The following TMEM232 variants were observed in gnomAD, a reference collection of about 807,000 sequenced individuals.
TMEM232 encodes the protein transmembrane protein 232.
In TMEM232, 80 loss-of-function variants were observed where a neutral mutation model predicts 78.8. The ratio of observed to expected loss-of-function variants is 1.01; its 90% confidence interval spans 0.85 to 1.22. The LOEUF is 1.22. TMEM232 is among the 50% of genes most tolerant of loss of function. The probability of loss-of-function intolerance (pLI) is 0.00; values close to 1 mark genes in which losing one functional copy is unlikely to be tolerated. For synonymous variants in TMEM232, 297 were observed against 254.3 expected, an observed-to-expected ratio of 1.17 and a Z score of -1.60; for missense variants, 881 against 742.2, an observed-to-expected ratio of 1.19 and a Z score of -2.17.
intron 12 of TMEM232, among the ~76,000 whole-genome samples, chr5:110,508,330 A>T (rs953690172): frequency 6.6e-6 from 1 of 152,072 alleles, no homozygotes; most frequent in African/African-American, 2.4e-5. Context: ...GATAGAAAGC[A>T]TGATTAGTGT....
At chr5:110,559,528 A>G (rs538627135) in intron 11 of TMEM232, among the ~76,000 whole-genome samples, 2 of 152,298 alleles carry the variant, frequency 1.3e-5, no homozygotes, top group East Asian at 1.9e-4. Flanking sequence ...CTAGCAGGCA[A>G]TTTATACCAA....
At position 110,688,269 on chromosome 5, in the gene TMEM232, C is replaced by T. The variant is rs557318399; in HGVS notation, c.-12-20905G>A. On this transcript the variant is annotated intron_variant, in intron 1 of 13. Coordinates refer to ENST00000455884, the MANE Select transcript of TMEM232 (RefSeq NM_001039763.4). ...TAGTTGGATAGATGAAGATTTTCTT[C>T]CATTCATGCCTGAACTTCAAGGCAG... Among the ~76,000 whole-genome samples, 5 of 152,238 alleles carry T rather than the reference C, an allele frequency of 3.3e-5. No individual in the cohort carries two copies. The South Asian group carries it at 1.0e-3, about 32-fold the overall frequency.
chr5:110,437,977 G>A (rs936296202), intron 12 of TMEM232, among the ~76,000 whole-genome samples: 1 of 152,030 alleles, frequency 6.6e-6, no homozygotes, highest in African/African-American at 2.4e-5. Flanking sequence ...TAGTCCTGAA[G>A]GTTTTCAGTG....
intron 12 of TMEM232, among the ~76,000 whole-genome samples, 176 bp downstream of exon 12, chr5:110,528,412 G>A (rs749342810): frequency 6.6e-5 from 10 of 151,808 alleles, no homozygotes; most frequent in Non-Finnish European, 1.3e-4. Context: ...TGAAAAAAGA[G>A]TTTCTGAGAA....
At chr5:110,513,577 A>C (rs1016299917) in intron 12 of TMEM232, among the ~76,000 whole-genome samples, 4 of 152,114 alleles carry the variant, frequency 2.6e-5, no homozygotes, top group Non-Finnish European at 1.5e-5. Flanking sequence ...CCAACAGACA[A>C]GTATACGAAA....
At chr5:110,565,367 A>T (rs1223455224) in intron 11 of TMEM232, among the ~76,000 whole-genome samples, 1 of 151,956 alleles carries the variant, frequency 6.6e-6, no homozygotes, top group Non-Finnish European at 1.5e-5. Flanking sequence ...AACTGAAGTA[A>T]AAATATGCCC....
At chr5:110,515,381 C>A (rs933949069) in intron 12 of TMEM232, among the ~76,000 whole-genome samples, 8 of 152,272 alleles carry the variant, frequency 5.3e-5, no homozygotes, top group African/African-American at 1.7e-4. Flanking sequence ...CCTCTTAAGG[C>A]CTCCAGGTTC....
chr5:110,527,825 G>GA (rs553822040), intron 12 of TMEM232, among the ~76,000 whole-genome samples: 7 of 151,882 alleles, frequency 4.6e-5, no homozygotes, highest in Non-Finnish European at 8.8e-5. Context: ...AAAATTACTA[G>GA]AAAAAATATA....
chr5:110,559,745 A>C (rs1306386959), intron 11 of TMEM232, among the ~76,000 whole-genome samples: 2 of 152,200 alleles, frequency 1.3e-5, no homozygotes, highest in African/African-American at 4.8e-5. Context: ...TTGTGACTTA[A>C]AGAACAGAAG....
At chr5:110,510,421 CT>C (rs1190704308) in intron 12 of TMEM232, among the ~76,000 whole-genome samples, 1 of 152,206 alleles carries the variant, frequency 6.6e-6, no homozygotes, top group Non-Finnish European at 1.5e-5. Flanking sequence ...TCCTGTCACC[CT>C]TTCATATGTA....
At chr5:110,621,025 G>T (rs990780451) in intron 7 of TMEM232, among the ~76,000 whole-genome samples, 1 of 151,158 alleles carries the variant, frequency 6.6e-6, no homozygotes, top group African/African-American at 2.4e-5. Flanking sequence ...ACCACACCTC[G>T]GTAATTTTTA....
chr5:110,424,781 G>T, intron 13 of TMEM232, 42 bp downstream of exon 13: 1 of 1,426,208 alleles, frequency 7.0e-7, no homozygotes, highest in South Asian at 1.3e-5. Flanking sequence ...TGCTTTTAAG[G>T]AACAAAGCTT....
intron 12 of TMEM232, among the ~76,000 whole-genome samples, chr5:110,508,836 T>TTA (rs917478908): frequency 3.0e-4 from 42 of 141,738 alleles, no homozygotes; most frequent in South Asian, 8.6e-4. Context: ...CCACTGCTAA[T>TTA]TATATATATA....
In TMEM232 at chr5:110,500,924, G is replaced by A. The variant is rs184079728; in HGVS notation, c.1703+27664C>T. On this transcript the variant is annotated intron_variant, in intron 12 of 13. Transcript: ENST00000455884. The stretch of plus-strand genomic sequence containing the variant: ...GATATATAAATAGTTCTTCCACTAT[G>A]CAAAAAGCTTTGACCACCTTTCTAT... Among the ~76,000 whole-genome samples, 293 of 152,236 alleles carry A rather than the reference G, an allele frequency of 1.9e-3. 1 individual carries two copies. The highest frequency in any genetic ancestry group is 6.5e-3 in the African/African-American group (268 of 41,540).
chr5:110,533,505 C>A (rs527293290), intron 11 of TMEM232, among the ~76,000 whole-genome samples: 1 of 151,920 alleles, frequency 6.6e-6, no homozygotes, highest in African/African-American at 2.4e-5. Flanking sequence ...TGCTTTAATA[C>A]TTTTAGAGGC....
At chr5:110,558,849 G>A (rs1189444313) in intron 11 of TMEM232, among the ~76,000 whole-genome samples, 1 of 152,178 alleles carries the variant, frequency 6.6e-6, no homozygotes, top group East Asian at 1.9e-4. Context: ...ACAGGTCCAT[G>A]GCAAGAGTGG....
At chr5:110,482,291 T>C (rs1017848262) in intron 12 of TMEM232, among the ~76,000 whole-genome samples, 2 of 151,960 alleles carry the variant, frequency 1.3e-5, no homozygotes, top group African/African-American at 4.8e-5. Flanking sequence ...TTAAAAAAAA[T>C]TTAATTTGGC....
At chr5:110,676,735 A>ATTTG (rs755372585) in intron 1 of TMEM232, among the ~76,000 whole-genome samples, 4 of 84,242 alleles carry the variant, frequency 4.7e-5, no homozygotes, top group Non-Finnish European at 9.3e-5. Flanking sequence ...TTCATCTTTT[A>ATTTG]TTTATTTATT....
At chr5:110,483,611 A>C in intron 12 of TMEM232, among the ~76,000 whole-genome samples, 1 of 146,502 alleles carries the variant, frequency 6.8e-6, no homozygotes, top group Non-Finnish European at 1.5e-5. Flanking sequence ...GGGTGGGGGA[A>C]GGGGGGAGGG....
Sources: allele counts gnomAD v4.1 joint callset (sites outside exome capture counted in the v4.1 genomes callset), GRCh38; gene constraint gnomAD v4.1.1; transcripts MANE v1.5; gene names NCBI Gene and HGNC (gene_info 2026-07-23, HGNC 2026-07-21).